The following CCBE1 variants were observed in gnomAD, a reference collection of about 807,000 sequenced individuals.
CCBE1 encodes the protein collagen and calcium-binding EGF domain-containing protein 1.
CCBE1 carries 37 observed loss-of-function variants against 50.0 expected under a neutral mutation model. The ratio of observed to expected loss-of-function variants is 0.74; its 90% CI spans 0.57 to 0.97. The LOEUF (loss-of-function observed/expected upper bound fraction) is 0.97, where lower values mean the gene tolerates loss of function less well. CCBE1 is among the 50% of genes least tolerant of loss of function. The pLI is 0.00. For missense variants in CCBE1, 538 were observed against 523.8 expected (o/e 1.03, Z -0.26); for synonymous variants, 234 against 203.7 (o/e 1.15, Z -1.27).
chr18:59,593,616 G>A (rs2053306305), intron 2 of CCBE1, among the ~76,000 whole-genome samples: 1 of 152,212 alleles, frequency 6.6e-6, no homozygotes, highest in African/African-American at 2.4e-5. Flanking sequence ...CATAAGAGCT[G>A]AAATTTTGTG....
chr18:59,570,045 T>C (rs994084954), intron 2 of CCBE1, among the ~76,000 whole-genome samples: 3 of 152,252 alleles, frequency 2.0e-5, no homozygotes, highest in Non-Finnish European at 2.9e-5. Flanking sequence ...GAAGATCTGT[T>C]ACTCTTCATT....
At position 59,439,789 on chromosome 18, in the gene CCBE1, C is replaced by T; in HGVS notation, c.803G>A (p.Gly268Asp). The T allele has an allele frequency of 6.2e-7, 1 of 1,614,036 alleles. No homozygotes were observed. Among genetic ancestry groups the T allele is most frequent in the Non-Finnish European group, 8.5e-7 (1 of 1,180,010 alleles). ...PGSPGPKGSPGFPGMPGPPGQ... is the reference protein window; with the variant it reads ...PGSPGPKGSPDFPGMPGPPGQ... ...AGGAGGGCCTGGCATACCGGGGAAG[C>T]CTGGGCTTCCCTTTGGTCCTGGTGA... The change falls in exon 8 of 11, where the codon GGC becomes GAC. Residue 268 changes from glycine (G) to aspartate (D), a missense_variant. Coordinates refer to ENST00000439986, the MANE Select transcript of CCBE1 (RefSeq NM_133459.4).
intron 2 of CCBE1, among the ~76,000 whole-genome samples, chr18:59,693,494 A>T (rs1446998095): frequency 6.6e-6 from 1 of 152,158 alleles, no homozygotes; most frequent in Non-Finnish European, 1.5e-5. Flanking sequence ...GGGGAAAAAA[A>T]GAACCACTTT....
chr18:59,612,856 T>TA (rs2053591822), intron 2 of CCBE1, among the ~76,000 whole-genome samples: 3 of 142,506 alleles, frequency 2.1e-5, no homozygotes, highest in East Asian at 2.2e-4. Flanking sequence ...TTGTTTTTTT[T>TA]AATGTCTGTT....
chr18:59,648,849 C>T (rs1199122076), intron 2 of CCBE1, among the ~76,000 whole-genome samples: 3 of 152,334 alleles, frequency 2.0e-5, no homozygotes, highest in East Asian at 1.9e-4. Context: ...CTTTGTCCAG[C>T]GTCCCTTCCT....
chr18:59,504,662 A>C (rs1425105176), intron 2 of CCBE1, among the ~76,000 whole-genome samples: 1 of 152,216 alleles, frequency 6.6e-6, no homozygotes, highest in African/African-American at 2.4e-5. Flanking sequence ...TAGAAGTCCT[A>C]GACAGTACAT....
At chr18:59,588,683 C>A (rs2144528300) in intron 2 of CCBE1, among the ~76,000 whole-genome samples, 1 of 152,316 alleles carries the variant, frequency 6.6e-6, no homozygotes, top group South Asian at 2.1e-4. Context: ...GCAATGAGAG[C>A]TAGCAATGGC....
chr18:59,691,598 G>T (rs918785020), intron 2 of CCBE1, among the ~76,000 whole-genome samples: 1 of 152,118 alleles, frequency 6.6e-6, no homozygotes, highest in African/African-American at 2.4e-5. Flanking sequence ...TAGAGACGGG[G>T]TTTCACCATG....
chr18:59,602,007 A>G (rs1320514188), intron 2 of CCBE1, among the ~76,000 whole-genome samples: 3 of 152,164 alleles, frequency 2.0e-5, no homozygotes, highest in African/African-American at 4.8e-5. Flanking sequence ...ATTTAAAAAT[A>G]GACATAGTAC....
chr18:59,539,164 G>A (rs939854162), intron 2 of CCBE1, among the ~76,000 whole-genome samples: 4 of 150,836 alleles, frequency 2.7e-5, no homozygotes, highest in Non-Finnish European at 4.4e-5. Flanking sequence ...CTATAGGGCA[G>A]GACTCTGCTA....
At chr18:59,552,564 T>C (rs1479641309) in intron 2 of CCBE1, among the ~76,000 whole-genome samples, 2 of 152,230 alleles carry the variant, frequency 1.3e-5, no homozygotes, top group African/African-American at 4.8e-5. Flanking sequence ...ATTTGCTGAC[T>C]TAATCATCCA....
intron 2 of CCBE1, among the ~76,000 whole-genome samples, chr18:59,570,520 A>G (rs1261881451): frequency 1.3e-5 from 2 of 152,138 alleles, no homozygotes; most frequent in Non-Finnish European, 2.9e-5. Context: ...CTTTGCATAC[A>G]TTCTCTTGGA....
At chr18:59,692,272 T>G (rs1043010067) in intron 2 of CCBE1, among the ~76,000 whole-genome samples, 5 of 152,200 alleles carry the variant, frequency 3.3e-5, no homozygotes, top group African/African-American at 1.2e-4. Flanking sequence ...GTGTCGTGAA[T>G]TTTTCAAAGC....
At chr18:59,656,634 T>C (rs2054193714) in intron 2 of CCBE1, among the ~76,000 whole-genome samples, 1 of 152,234 alleles carries the variant, frequency 6.6e-6, no homozygotes, top group Non-Finnish European at 1.5e-5. Flanking sequence ...TAATTATTTG[T>C]ATGTGCATCT....
intron 3 of CCBE1, among the ~76,000 whole-genome samples, chr18:59,475,921 T>C (rs1348619358): frequency 6.6e-6 from 1 of 152,092 alleles, no homozygotes; most frequent in Non-Finnish European, 1.5e-5. Flanking sequence ...GTTTCACTAT[T>C]TTGGCCAGAC....
rs1372736370 is a variant in CCBE1 at position 59,436,089 on chromosome 18, T to C, written c.1040A>G (p.Asn347Ser). The C allele has an allele frequency of 5.6e-6, 9 of 1,614,068 alleles. No homozygotes were observed. Among genetic ancestry groups the C allele is most frequent in the Non-Finnish European group, 4.2e-6 (5 of 1,180,040 alleles). The change falls in exon 11 of 11, where the codon AAT (asparagine) becomes AGT (serine). Residue 347 changes from asparagine to serine, a missense_variant. Transcript: ENST00000439986. ...CTTTTCCTGCAGCTCAGTGATGTCATTGCGGATGTCAGCCAGCATAAGTAG... is the reference window on the plus strand; with the variant it reads ...CTTTTCCTGCAGCTCAGTGATGTCACTGCGGATGTCAGCCAGCATAAGTAG... ...FLLLMLADIRNDITELQEKVF... is the reference protein window; with the variant it reads ...FLLLMLADIRSDITELQEKVF...
chr18:59,683,476 ACC>A (rs1485263033), intron 2 of CCBE1, among the ~76,000 whole-genome samples: 1 of 152,004 alleles, frequency 6.6e-6, no homozygotes, highest in Non-Finnish European at 1.5e-5. Flanking sequence ...CAGGCGGATC[ACC>A]TGAGGTCAGG....
At chr18:59,663,229 C>A (rs2144692710) in intron 2 of CCBE1, among the ~76,000 whole-genome samples, 1 of 152,214 alleles carries the variant, frequency 6.6e-6, no homozygotes, top group South Asian at 2.1e-4. Context: ...CAATGCCAGT[C>A]AGAGAGGAGG....
chr18:59,591,037 G>A lies in CCBE1; in HGVS notation c.212+105592C>T, dbSNP rs1481472422. On this transcript the variant is annotated intron_variant, in intron 2 of 10. Coordinates refer to ENST00000439986, the MANE Select transcript of CCBE1 (RefSeq NM_133459.4). ...AGGCGGGTGGATCACGAGGTCAGGAGATCGAGACCATCCTGGCTAACACGG... is the reference window on the plus strand; with the variant it reads ...AGGCGGGTGGATCACGAGGTCAGGAAATCGAGACCATCCTGGCTAACACGG... Among the ~76,000 whole-genome samples, 3 of 95,562 alleles carry A rather than the reference G, an allele frequency of 3.1e-5. 1 individual carries two copies. Among genetic ancestry groups the A allele is most frequent in the Non-Finnish European group, 5.7e-5 (3 of 52,424 alleles). The allele number at this position is 95,562 out of a possible 152,430, so 62.7% of individuals were successfully genotyped here. A position where few individuals can be genotyped will look rare whatever the true frequency, so the allele number is the denominator to read the frequency against.
Sources: gnomAD v4.1 joint callset for allele counts (sites outside exome capture counted in the v4.1 genomes callset) on GRCh38, gnomAD v4.1.1 for gene constraint, MANE v1.5 for transcripts, NCBI Gene and HGNC (gene_info 2026-07-23, HGNC 2026-07-21) for gene names.